Variants in AOPEP observed in about 807,000 individuals in gnomAD.
AOPEP encodes aminopeptidase O (putative).
In AOPEP, 77 loss-of-function variants were observed where a neutral mutation model predicts 98.1. That is an observed-to-expected ratio of 0.78 (90% CI 0.65 to 0.95). The LOEUF is 0.95. Among genes scored for constraint, AOPEP ranks in the 40% least tolerant of loss-of-function variants. The pLI is 0.00. For synonymous variants in AOPEP, 346 were observed against 365.3 expected, an observed-to-expected ratio of 0.95 and a Z score of 0.60; for missense variants, 1,024 against 1,024.7, an observed-to-expected ratio of 1.00 and a Z score of 0.01.
chr9:94,940,597 A>C (rs1589001659), intron 7 of AOPEP, among the ~76,000 whole-genome samples: 2 of 150,048 alleles, frequency 1.3e-5, no homozygotes, highest in South Asian at 2.1e-4. Flanking sequence ...CCATCTCAAT[A>C]AATAAATAAA....
At chr9:94,774,812 C>A (rs1841720512) in intron 3 of AOPEP, among the ~76,000 whole-genome samples, 1 of 152,138 alleles carries the variant, frequency 6.6e-6, no homozygotes, top group African/African-American at 2.4e-5. Context: ...TTTATACATT[C>A]ATCTGTAGTT....
At position 94,729,797 on chromosome 9, in the gene AOPEP, C is replaced by T. The variant is rs61543709; in HGVS notation, c.-136+3046C>T. 6.2e-3 allele frequency among the ~76,000 whole-genome samples: 943 copies of T among 152,116 alleles called. 8 individuals carry two copies. The highest frequency in any genetic ancestry group is 0.022 in the African/African-American group (909 of 41,474). Reference sequence around the variant, plus strand: ...ATGTCTTCTGAGGGGCAAAATCAGCCCCAATTGAGAACCACTGCCATAGAG... The same window carrying T: ...ATGTCTTCTGAGGGGCAAAATCAGCTCCAATTGAGAACCACTGCCATAGAG... On this transcript the variant is annotated intron_variant, in intron 1 of 16. Coordinates refer to ENST00000375315, the MANE Select transcript of AOPEP (RefSeq NM_001193329.3).
At chr9:94,830,111 G>T (rs895632734) in intron 5 of AOPEP, among the ~76,000 whole-genome samples, 2 of 152,132 alleles carry the variant, frequency 1.3e-5, no homozygotes, top group African/African-American at 4.8e-5. Context: ...CGTGTGCCAT[G>T]GTGGTTTACT....
At chr9:94,868,693 G>A (rs1588626611) in intron 5 of AOPEP, among the ~76,000 whole-genome samples, 1 of 152,196 alleles carries the variant, frequency 6.6e-6, no homozygotes, top group East Asian at 1.9e-4. Flanking sequence ...TGTGGGATGA[G>A]TGGGGCCTTG....
chr9:95,117,924 G>A, the AOPEP span, among the ~76,000 whole-genome samples: 1 of 152,156 alleles, frequency 6.6e-6, no homozygotes, highest in Non-Finnish European at 1.5e-5. Context: ...GTTTCTCCAT[G>A]TTGGTCAGGC....
intron 9 of AOPEP, among the ~76,000 whole-genome samples, chr9:94,965,631 G>C (rs1354207731): frequency 1.3e-5 from 2 of 152,254 alleles, no homozygotes; most frequent in African/African-American, 4.8e-5. Flanking sequence ...TCTCATCAGA[G>C]TCCTGTGTGA....
At chr9:94,729,734 C>T (rs1046732635) in intron 1 of AOPEP, among the ~76,000 whole-genome samples, 1 of 152,118 alleles carries the variant, frequency 6.6e-6, no homozygotes, top group Non-Finnish European at 1.5e-5. Flanking sequence ...GCAGACCTCT[C>T]CAGTGTGATA....
At chr9:95,101,652 T>G in the AOPEP span, 139 of 1,608,506 alleles carry the variant, frequency 8.6e-5, no homozygotes, top group Admixed American at 4.7e-4. Flanking sequence ...ACCTGTCCTG[T>G]GGCCCTGGCG....
At chr9:94,907,116 T>G (rs1228631170) in intron 5 of AOPEP, among the ~76,000 whole-genome samples, 1 of 151,956 alleles carries the variant, frequency 6.6e-6, no homozygotes, top group African/African-American at 2.4e-5. Context: ...TGAGATTCAA[T>G]GAAAAAGAGA....
At chr9:94,857,412 G>A (rs142986532) in intron 5 of AOPEP, among the ~76,000 whole-genome samples, 2 of 152,280 alleles carry the variant, frequency 1.3e-5, no homozygotes, top group East Asian at 3.9e-4. Context: ...AATCTCCAAC[G>A]ACTTAATATT....
At chr9:94,832,284 G>A (rs1289247225) in intron 5 of AOPEP, among the ~76,000 whole-genome samples, 1 of 152,164 alleles carries the variant, frequency 6.6e-6, no homozygotes, top group African/African-American at 2.4e-5. Context: ...CAGGAAAAGA[G>A]ATGCAACTGT....
In AOPEP at chr9:94,955,214, G is replaced by A; in HGVS notation, c.1699G>A (p.Gly567Arg). ...CAAAACTGGCCACACAAGTGACTCGGGAGCATCTGTTATCAAGCATGGACT... is the reference window on the plus strand; with the variant it reads ...CAAAACTGGCCACACAAGTGACTCGAGAGCATCTGTTATCAAGCATGGACT... Reference protein sequence around the residue: ...KDKTGHTSDSGASVIKHGLNP... With the variant: ...KDKTGHTSDSRASVIKHGLNP... Residue 567 changes from glycine (G) to arginine (R), a missense_variant, in exon 8 of 17, where the codon GGA becomes AGA. Physicochemically the swap from Gly to Arg is moderately radical, Grantham distance 125. Coordinates refer to ENST00000375315, the MANE Select transcript of AOPEP (RefSeq NM_001193329.3). 1 of 1,613,616 alleles carries A rather than the reference G, an allele frequency of 6.2e-7. No homozygotes were observed. The highest frequency in any genetic ancestry group is 8.5e-7 in the Non-Finnish European group (1 of 1,179,884).
At chr9:94,801,175 C>T (rs1848144238) in intron 5 of AOPEP, among the ~76,000 whole-genome samples, 173 bp downstream of exon 5, 1 of 152,170 alleles carries the variant, frequency 6.6e-6, no homozygotes, top group Admixed American at 6.5e-5. Flanking sequence ...ATGCAGACTC[C>T]CTCATGCACG....
chr9:94,866,186 G>C (rs1423111231), intron 5 of AOPEP, among the ~76,000 whole-genome samples: 2 of 152,216 alleles, frequency 1.3e-5, no homozygotes, highest in Non-Finnish European at 2.9e-5. Context: ...TCAAGGGGGA[G>C]ATGGACATGC....
chr9:94,984,967 A>G (rs929497361), intron 11 of AOPEP, among the ~76,000 whole-genome samples: 1 of 152,246 alleles, frequency 6.6e-6, no homozygotes, highest in African/African-American at 2.4e-5. Context: ...TTCAGAGGGC[A>G]TGAACTAGCA....
chr9:95,071,437 C>T (rs1393148845), intron 14 of AOPEP, among the ~76,000 whole-genome samples: 2 of 152,098 alleles, frequency 1.3e-5, no homozygotes, highest in African/African-American at 4.8e-5. Flanking sequence ...ATTTCATGTA[C>T]ATTGGGTTCC....
At chr9:94,826,077 C>T (rs925217653) in intron 5 of AOPEP, among the ~76,000 whole-genome samples, 3 of 151,672 alleles carry the variant, frequency 2.0e-5, no homozygotes, top group East Asian at 1.9e-4. Flanking sequence ...AAGGAAAATA[C>T]GGTGAAATCT....
At chr9:94,791,236 G>A (rs972130227) in intron 3 of AOPEP, among the ~76,000 whole-genome samples, 6 of 152,160 alleles carry the variant, frequency 3.9e-5, no homozygotes, top group African/African-American at 1.4e-4. Context: ...AACTAACACA[G>A]CATCAGAAAA....
At position 94,987,507 on chromosome 9, in the gene AOPEP, G is replaced by A. The variant is rs1353524595; in HGVS notation, c.1977+8080G>A. ...GTCACAACCATGATGAAGGTTCAGC[G>A]GGTAGCATCCCAGCCCCAGTGAAAT... On this transcript the variant is annotated intron_variant, in intron 11 of 16. Coordinates refer to ENST00000375315, the MANE Select transcript of AOPEP (RefSeq NM_001193329.3). Among the ~76,000 whole-genome samples, 11 of 152,310 alleles carry A rather than the reference G, an allele frequency of 7.2e-5. No homozygotes were observed. The South Asian group carries it at 1.9e-3, about 26-fold the overall frequency.
Sources: allele counts gnomAD v4.1 joint callset (sites outside exome capture counted in the v4.1 genomes callset), GRCh38; gene constraint gnomAD v4.1.1; transcripts MANE v1.5; gene names NCBI Gene and HGNC (gene_info 2026-07-23, HGNC 2026-07-21).